Variants in SH3RF3 observed in about 807,000 individuals in gnomAD.
The protein encoded by SH3RF3 is E3 ubiquitin-protein ligase SH3RF3.
SH3RF3 carries 29 observed loss-of-function variants against 66.3 expected under a neutral mutation model. The ratio of observed to expected loss-of-function variants is 0.44; its 90% CI spans 0.33 to 0.60. SH3RF3 has a LOEUF of 0.60. SH3RF3 is among the 20% of genes least tolerant of loss of function. SH3RF3 has a pLI of 0.04. For synonymous variants in SH3RF3, 583 were observed against 532.0 expected (o/e 1.10, Z -1.32); for missense variants, 1,194 against 1,190.9 (o/e 1.00, Z -0.04).
intron 4 of SH3RF3, among the ~76,000 whole-genome samples, chr2:109,401,415 C>T (rs547921257): frequency 6.6e-6 from 1 of 152,368 alleles, no homozygotes; most frequent in African/African-American, 2.4e-5. Context: ...GCAAAGGCCA[C>T]TCTCACTGTA....
intron 7 of SH3RF3, among the ~76,000 whole-genome samples, chr2:109,441,916 G>C (rs1274545006): frequency 6.6e-6 from 1 of 151,970 alleles, no homozygotes; most frequent in Non-Finnish European, 1.5e-5. Flanking sequence ...AAATATAGCT[G>C]TCAATCTAGT....
chr2:109,436,767 C>T (rs1173048402), intron 6 of SH3RF3, 126 bp from the exon 7 acceptor site: 9 of 1,407,590 alleles, frequency 6.4e-6, no homozygotes, highest in Non-Finnish European at 8.5e-6. Context: ...TTTAGGACCT[C>T]GTCCCCAGAT....
chr2:109,353,662 T>G (rs76038434), intron 2 of SH3RF3, among the ~76,000 whole-genome samples: 3 of 152,182 alleles, frequency 2.0e-5, no homozygotes, highest in African/African-American at 2.4e-5. Context: ...TCCTTCACTC[T>G]TCAGATGTTT....
At chr2:109,196,215 C>T (rs1216738370) in intron 1 of SH3RF3, among the ~76,000 whole-genome samples, 3 of 152,322 alleles carry the variant, frequency 2.0e-5, no homozygotes, top group South Asian at 4.1e-4. Flanking sequence ...GAGGCCATGT[C>T]GGGGTGTTTG....
At chr2:109,281,047 G>T (rs116346772) in intron 1 of SH3RF3, among the ~76,000 whole-genome samples, 2 of 152,170 alleles carry the variant, frequency 1.3e-5, no homozygotes, top group African/African-American at 4.8e-5. Context: ...CCCCAGAGCC[G>T]ACCTTGTATG....
chr2:109,297,981 C>T (rs1681361128), intron 1 of SH3RF3, among the ~76,000 whole-genome samples: 1 of 152,186 alleles, frequency 6.6e-6, no homozygotes, highest in Non-Finnish European at 1.5e-5. Context: ...GTGCCCCAGG[C>T]AGCCTTGGGT....
intron 1 of SH3RF3, among the ~76,000 whole-genome samples, chr2:109,169,984 A>T (rs1677722912): frequency 1.3e-5 from 2 of 152,198 alleles, no homozygotes; most frequent in South Asian, 4.1e-4. Flanking sequence ...AACAAAAGAA[A>T]CATCACATCC....
At chr2:109,369,028 G>C (rs1683206546) in intron 2 of SH3RF3, among the ~76,000 whole-genome samples, 1 of 152,122 alleles carries the variant, frequency 6.6e-6, no homozygotes. Context: ...CCACTCTAGT[G>C]TCCTCGTGGT....
intron 1 of SH3RF3, among the ~76,000 whole-genome samples, chr2:109,333,042 C>T (rs1055557761): frequency 6.6e-6 from 1 of 152,202 alleles, no homozygotes; most frequent in African/African-American, 2.4e-5. Flanking sequence ...TGGGAATGCG[C>T]GTGAGTGCAG....
chr2:109,340,682 T>G (rs1574583668), intron 1 of SH3RF3, among the ~76,000 whole-genome samples: 1 of 152,176 alleles, frequency 6.6e-6, no homozygotes, highest in Admixed American at 6.5e-5. Context: ...TTATAGCTCC[T>G]TTTTCATTAA....
intron 1 of SH3RF3, among the ~76,000 whole-genome samples, chr2:109,219,275 G>A (rs561491654): frequency 1.3e-5 from 2 of 151,030 alleles, no homozygotes; most frequent in East Asian, 2.0e-4. Flanking sequence ...TTTTTGGGGG[G>A]CTCAGTATTA....
intron 1 of SH3RF3, among the ~76,000 whole-genome samples, chr2:109,280,958 A>C (rs1202392144): frequency 6.6e-6 from 1 of 152,198 alleles, no homozygotes; most frequent in Admixed American, 6.5e-5. Context: ...CAGGTTCCCT[A>C]GGTGGCAGTG....
intron 1 of SH3RF3, among the ~76,000 whole-genome samples, chr2:109,223,960 C>T (rs1679313355): frequency 6.6e-6 from 1 of 152,100 alleles, no homozygotes; most frequent in Non-Finnish European, 1.5e-5. Flanking sequence ...CATGATTGTG[C>T]CACTGCACTC....
intron 2 of SH3RF3, among the ~76,000 whole-genome samples, chr2:109,350,784 A>C (rs1340320782): frequency 3.9e-5 from 6 of 152,238 alleles, no homozygotes; most frequent in Non-Finnish European, 7.3e-5. Flanking sequence ...CCAGTGCTGC[A>C]GCGTAGGTGC....
intron 2 of SH3RF3, among the ~76,000 whole-genome samples, chr2:109,364,279 C>G (rs946471416): frequency 3.3e-5 from 5 of 151,924 alleles, no homozygotes; most frequent in African/African-American, 1.2e-4. Flanking sequence ...ATAAGCACGT[C>G]GAAGGCATTC....
intron 1 of SH3RF3, among the ~76,000 whole-genome samples, chr2:109,190,087 C>T (rs114766603): frequency 6.6e-5 from 10 of 152,308 alleles, no homozygotes; most frequent in African/African-American, 9.6e-5. Context: ...AAACTTTTCC[C>T]GTGATCATAT....
intron 1 of SH3RF3, among the ~76,000 whole-genome samples, chr2:109,345,192 A>G (rs1682656496): frequency 6.6e-6 from 1 of 152,168 alleles, no homozygotes; most frequent in Non-Finnish European, 1.5e-5. Context: ...TTTACCTGCC[A>G]CACTACCTAA....
chr2:109,185,213 A>G lies in SH3RF3; in HGVS notation c.573+55100A>G, dbSNP rs191085165. On this transcript the variant is annotated intron_variant, in intron 1 of 9. Transcript: ENST00000309415. Reference sequence around the variant, plus strand: ...ATTTAAAGGGTGGTTATTTTTCCGTATATTTATCAAGTGGAAGAATAATTT... The same window carrying G: ...ATTTAAAGGGTGGTTATTTTTCCGTGTATTTATCAAGTGGAAGAATAATTT... 1.6e-4 allele frequency among the ~76,000 whole-genome samples: 25 copies of G among 152,340 alleles called. No individual in the cohort carries two copies. The East Asian group carries it at 3.9e-3, about 24-fold the overall frequency.
chr2:109,281,031 T>C (rs1469693793), intron 1 of SH3RF3, among the ~76,000 whole-genome samples: 2 of 152,218 alleles, frequency 1.3e-5, no homozygotes, highest in African/African-American at 4.8e-5. Flanking sequence ...AACTGAGCCA[T>C]GCTGTCCCCA....
Sources: allele counts gnomAD v4.1 joint callset (sites outside exome capture counted in the v4.1 genomes callset), GRCh38; gene constraint gnomAD v4.1.1; transcripts MANE v1.5; gene names NCBI Gene and HGNC (gene_info 2026-07-23, HGNC 2026-07-21).